XKR4: variants seen among roughly 807,000 people sequenced by gnomAD.
The protein encoded by XKR4 is XK-related protein 4.
Under a neutral mutation model 53.9 loss-of-function variants are expected in XKR4, and 12 were observed. The ratio of observed to expected loss-of-function variants is 0.22; its 90% CI spans 0.14 to 0.36. The LOEUF (loss-of-function observed/expected upper bound fraction) is 0.36, where lower values mean the gene tolerates loss of function less well. XKR4 is among the 10% of genes least tolerant of loss of function. The pLI is 1.00. For missense variants in XKR4, 799 were observed against 859.5 expected, an observed-to-expected ratio of 0.93 and a Z score of 0.88; for synonymous variants, 354 against 362.4, an observed-to-expected ratio of 0.98 and a Z score of 0.26.
At chr8:55,494,155 G>T (rs912334205) in intron 2 of XKR4, among the ~76,000 whole-genome samples, 8 of 152,270 alleles carry the variant, frequency 5.3e-5, no homozygotes, top group Non-Finnish European at 1.0e-4. Context: ...AGCTGCTGCT[G>T]CAGGGTGGGC....
intron 2 of XKR4, among the ~76,000 whole-genome samples, chr8:55,447,371 T>C (rs1805362460): frequency 6.6e-6 from 1 of 152,156 alleles, no homozygotes; most frequent in Admixed American, 6.5e-5. Context: ...CTAGGGCTCT[T>C]GGTAGATGGA....
At chr8:55,376,954 T>TCACACA (rs59737150) in intron 2 of XKR4, among the ~76,000 whole-genome samples, 9,767 of 145,292 alleles carry the variant, frequency 0.067, 404 homozygotes, top group South Asian at 0.09. Flanking sequence ...AAACACACAC[T>TCACACA]CACACACACA....
rs536285575 is a variant in XKR4, at chr8:55,530,708, A to G, written c.*6481A>G. On this transcript the variant is annotated 3_prime_UTR_variant, in exon 3 of 3. Transcript: ENST00000327381. ...TCCTACTTTGATTTAAGAGATCTTT[A>G]TGAATTTATATAAAATTAGAAGTCA... The G allele has an allele frequency of 6.6e-6, 1 of 152,354 alleles. No individual in the cohort carries two copies. The highest frequency in any genetic ancestry group is 2.4e-5 in the African/African-American group (1 of 41,596). 9.4% of individuals were successfully genotyped at this position (152,354 alleles called of 1,614,324 possible).
intron 1 of XKR4, among the ~76,000 whole-genome samples, chr8:55,110,825 A>C (rs1280494387): frequency 6.6e-6 from 1 of 152,160 alleles, no homozygotes; most frequent in Non-Finnish European, 1.5e-5. Context: ...AGTCTACTCA[A>C]AACGTTTGCA....
At chr8:55,203,352 G>A (rs1380104630) in intron 1 of XKR4, among the ~76,000 whole-genome samples, 2 of 152,238 alleles carry the variant, frequency 1.3e-5, no homozygotes, top group African/African-American at 2.4e-5. Context: ...GCACGAAGAC[G>A]ACATGGCACA....
At chr8:55,114,890 T>A (rs1212769075) in intron 1 of XKR4, among the ~76,000 whole-genome samples, 1 of 152,176 alleles carries the variant, frequency 6.6e-6, no homozygotes, top group Non-Finnish European at 1.5e-5. Context: ...CTGCTTAGGG[T>A]CATAGTAAGG....
chr8:55,529,337 C>T lies in XKR4; in HGVS notation c.*5110C>T, dbSNP rs1288177040. On this transcript the variant is annotated 3_prime_UTR_variant, in exon 3 of 3. Transcript: ENST00000327381. Reference sequence around the variant, plus strand: ...TGCTAAACAAGAGATGACTTAATGTCCTTGAAATATTTTCGTAATATACTG... The same window carrying T: ...TGCTAAACAAGAGATGACTTAATGTTCTTGAAATATTTTCGTAATATACTG... 3.3e-5 allele frequency: 5 copies of T among 152,014 alleles called. No individual in the cohort carries two copies. The highest frequency in any genetic ancestry group is 1.2e-4 in the African/African-American group (5 of 41,378). The allele number at this position is 152,014 out of a possible 1,614,324, so 9.4% of individuals were successfully genotyped here. A position where few individuals can be genotyped will look rare whatever the true frequency, so the allele number is the denominator to read the frequency against.
intron 1 of XKR4, among the ~76,000 whole-genome samples, chr8:55,304,179 A>C (rs996889297): frequency 6.6e-6 from 1 of 152,268 alleles, no homozygotes; most frequent in Non-Finnish European, 1.5e-5. Flanking sequence ...AATGTGTCCC[A>C]GAGATTCTGG....
At chr8:55,261,123 G>A (rs1818518585) in intron 1 of XKR4, among the ~76,000 whole-genome samples, 1 of 152,164 alleles carries the variant, frequency 6.6e-6, no homozygotes. Context: ...TTATTAAAGG[G>A]AAGAAAAGGA....
intron 1 of XKR4, among the ~76,000 whole-genome samples, chr8:55,103,885 A>ATATATATATATATATATATG (rs1563457065): frequency 1.5e-5 from 2 of 137,436 alleles, no homozygotes; most frequent in African/African-American, 5.7e-5. Context: ...ATATATATAT[A>ATATATATATATATATATATG]TATATATATC....
intron 2 of XKR4, chr8:55,454,035 G>C: frequency 1.1e-6 from 1 of 895,642 alleles, no homozygotes; most frequent in Non-Finnish European, 1.8e-6. Flanking sequence ...AGGCACCAGA[G>C]ATAGCCCTGC....
At chr8:55,401,349 C>G (rs748058994) in intron 2 of XKR4, among the ~76,000 whole-genome samples, 1 of 152,194 alleles carries the variant, frequency 6.6e-6, no homozygotes, top group African/African-American at 2.4e-5. Flanking sequence ...CATGAATCTT[C>G]AGGAGAGGAA....
At chr8:55,358,116 T>G (rs990915209) in intron 2 of XKR4, among the ~76,000 whole-genome samples, 1 of 152,208 alleles carries the variant, frequency 6.6e-6, no homozygotes, top group African/African-American at 2.4e-5. Flanking sequence ...AAAAAAAATC[T>G]TTATGATTTT....
At chr8:55,284,979 C>T (rs60351436) in intron 1 of XKR4, among the ~76,000 whole-genome samples, 36,246 of 152,062 alleles carry the variant, frequency 0.24, 4,659 homozygotes, top group East Asian at 0.48. Context: ...TGCAATCTCT[C>T]GCTTTGCTGC....
At chr8:55,522,136 C>T (rs1290132640) in intron 2 of XKR4, among the ~76,000 whole-genome samples, 1 of 152,104 alleles carries the variant, frequency 6.6e-6, no homozygotes, top group East Asian at 1.9e-4. Flanking sequence ...TGAGCCCTGG[C>T]CACATCTGGA....
intron 2 of XKR4, among the ~76,000 whole-genome samples, chr8:55,411,003 C>A (rs1804768900): frequency 6.6e-6 from 1 of 152,238 alleles, no homozygotes; most frequent in Non-Finnish European, 1.5e-5. Flanking sequence ...GGCCTGCCAT[C>A]TTCTCACACG....
intron 1 of XKR4, among the ~76,000 whole-genome samples, chr8:55,242,742 G>A (rs1275884477): frequency 1.3e-5 from 2 of 152,156 alleles, no homozygotes; most frequent in Non-Finnish European, 2.9e-5. Context: ...TTGGCAGGGA[G>A]CCGCAGAGGA....
At chr8:55,200,234 A>T (rs565924430) in intron 1 of XKR4, among the ~76,000 whole-genome samples, 3 of 152,076 alleles carry the variant, frequency 2.0e-5, no homozygotes, top group East Asian at 3.9e-4. Flanking sequence ...CGCCCAGCTA[A>T]TTTTTGTATT....
chr8:55,491,832 A>G (rs2939672), intron 2 of XKR4, among the ~76,000 whole-genome samples: 71,353 of 151,662 alleles, frequency 0.47, 18,349 homozygotes, highest in African/African-American at 0.69. Flanking sequence ...CAGTATCACA[A>G]CCGTATGTAA....
Sources: allele counts gnomAD v4.1 joint callset (sites outside exome capture counted in the v4.1 genomes callset), GRCh38; gene constraint gnomAD v4.1.1; transcripts MANE v1.5; gene names NCBI Gene and HGNC (gene_info 2026-07-23, HGNC 2026-07-21).